CDHR5: variants seen among roughly 807,000 people sequenced by gnomAD.
CDHR5 encodes the protein cadherin related family member 5, also known as cadherin-related family member 5.
In CDHR5, 82 loss-of-function variants were observed where a neutral mutation model predicts 69.5. The ratio of observed to expected loss-of-function variants is 1.18; its 90% CI spans 0.99 to 1.42. CDHR5 has a LOEUF of 1.42. Ranked by LOEUF, CDHR5 falls within the 40% of genes most tolerant of loss-of-function variation. The probability of loss-of-function intolerance (pLI) is 0.00; values close to 1 mark genes in which losing one functional copy is unlikely to be tolerated. For synonymous variants in CDHR5, 601 were observed against 510.2 expected, an observed-to-expected ratio of 1.18 and a Z score of -2.40; for missense variants, 1,293 against 1,168.9, an observed-to-expected ratio of 1.11 and a Z score of -1.55.
rs1857406913 is a variant in CDHR5 at position 621,647 on chromosome 11, G to A, written c.422C>T (p.Ser141Phe). The change falls in exon 5 of 15, where the codon TCC becomes TTC. Residue 141 changes from serine to phenylalanine, a missense_variant. Coordinates refer to ENST00000397542, the MANE Select transcript of CDHR5 (RefSeq NM_021924.5). This position sits in a 1 kb window ranked among gnomAD's most constrained non-coding sequence, Gnocchi z 4.4. ...IRVEEDTKVN[S>F]TVIPETQLQA... ...CAGTTGCGTCTCGGGGATGACGGTG[G>A]AGTTCACTTTCGTGTCCTGGGGAGG... 2 of 1,613,274 alleles carry A rather than the reference G, an allele frequency of 1.2e-6. No homozygotes were observed. The highest frequency in any genetic ancestry group is 1.7e-4 in the Middle Eastern group (1 of 6,060).
rs755930767 is a variant in CDHR5 at position 619,501 on chromosome 11, C to T, written c.1266G>A (p.Leu422=). Residue 422 remains leucine (L), a synonymous_variant, in exon 11 of 15, where the codon CTG becomes CTA. Transcript: ENST00000397542. ...EGEVVLTTTT[L]AQAGAFYAEV... ...CTGCGTAGAAGGCTCCCGCCTGTGCCAGTGTGGTGGTGGTCAGCACAACCT... is the reference window on the plus strand; with the variant it reads ...CTGCGTAGAAGGCTCCCGCCTGTGCTAGTGTGGTGGTGGTCAGCACAACCT... 48 of 1,613,588 alleles carry T rather than the reference C, an allele frequency of 3.0e-5. No individual in the cohort carries two copies. Among genetic ancestry groups the T allele is most frequent in the Non-Finnish European group, 3.7e-5 (44 of 1,179,736 alleles).
In CDHR5 at chr11:616,944, G is replaced by C; in HGVS notation, c.*407C>G. Reference sequence around the variant, plus strand: ...CTCAGCCTCCCCAGGCAATCTCTGTGTAGGGTCGGGAGCGGGAGGTCTGAG... The same window carrying C: ...CTCAGCCTCCCCAGGCAATCTCTGTCTAGGGTCGGGAGCGGGAGGTCTGAG... On this transcript the variant is annotated 3_prime_UTR_variant, in exon 15 of 15. Transcript: ENST00000397542. 1 of 223,604 alleles carries C rather than the reference G, an allele frequency of 4.5e-6. No homozygotes were observed. Among genetic ancestry groups the C allele is most frequent in the Non-Finnish European group, 9.0e-6 (1 of 111,434 alleles). 13.9% of individuals were successfully genotyped at this position (223,604 alleles called of 1,614,324 possible). A position where few individuals can be genotyped will look rare whatever the true frequency, so the allele number is the denominator to read the frequency against.
rs1477543980 is a variant in CDHR5, at chr11:619,892, G to A, written c.979-11C>T. The A allele has an allele frequency of 1.3e-6, 2 of 1,530,168 alleles. No homozygotes were observed. Among genetic ancestry groups the A allele is most frequent in the Middle Eastern group, 1.8e-4 (1 of 5,454 alleles). The allele number at this position is 1,530,168 out of a possible 1,614,324, so 94.8% of individuals were successfully genotyped here. ...GTCGGCCTGTTGGCCCTGGAGGCGGGGGAGGCAGCAGTGACTAGTGGGGTT... is the reference window on the plus strand; with the variant it reads ...GTCGGCCTGTTGGCCCTGGAGGCGGAGGAGGCAGCAGTGACTAGTGGGGTT... On this transcript the variant is annotated splice_polypyrimidine_tract_variant and intron_variant, in intron 9 of 14. Transcript: ENST00000397542.
Position 618,102 on chromosome 11 carries a change from G to A in CDHR5, c.1970C>T (p.Pro657Leu), listed in dbSNP as rs1857091477. The A allele has an allele frequency of 3.1e-6, 5 of 1,608,838 alleles. No homozygotes were observed. Among genetic ancestry groups the A allele is most frequent in the South Asian group, 2.2e-5 (2 of 90,884 alleles). The part of the protein sequence containing the change: ...SKSTPSSGGG[P>L]SEDKRFSVVD... ...CACCGAGAAGCGCTTGTCCTCCGAGGGGCCGCCACCTGGCATCGCAGTGGA... is the reference window on the plus strand; with the variant it reads ...CACCGAGAAGCGCTTGTCCTCCGAGAGGCCGCCACCTGGCATCGCAGTGGA... Residue 657 changes from proline (P) to leucine (L), a missense_variant, in exon 14 of 15, where the codon CCC becomes CTC. Physicochemically the swap from Pro to Leu is moderately conservative, Grantham distance 98. Coordinates refer to ENST00000397542, the MANE Select transcript of CDHR5 (RefSeq NM_021924.5).
Position 621,208 on chromosome 11 carries a change from C to A in CDHR5, c.661G>T (p.Ala221Ser). The change falls in exon 7 of 15, where the codon GCC (alanine) becomes TCC (serine). Residue 221 changes from alanine to serine, a missense_variant. By Grantham distance (99) the Ala-to-Ser change is moderately conservative. Coordinates refer to ENST00000397542, the MANE Select transcript of CDHR5 (RefSeq NM_021924.5). This position sits in a 1 kb window ranked among gnomAD's most constrained non-coding sequence, Gnocchi z 4.4. ...GGCACCACGTTCAGCACTAGTGTGG[C>A]GGTGGCAGTGTGGCTGGGTTCCACA... ...ENVEPSHTAT[A>S]TLVLNVVPAD... The A allele has an allele frequency of 6.2e-7, 1 of 1,600,214 alleles. No individual in the cohort carries two copies. The highest frequency in any genetic ancestry group is 8.5e-7 in the Non-Finnish European group (1 of 1,171,874).
intron 14 of CDHR5, 42 bp downstream of exon 14, chr11:617,912 T>C (rs1857067227): frequency 6.3e-7 from 1 of 1,596,330 alleles, no homozygotes; most frequent in Non-Finnish European, 8.5e-7. Flanking sequence ...GTCCCCCACT[T>C]CCTGCCTGGT....
chr11:618,978 G>A lies in CDHR5; in HGVS notation c.1581C>T (p.Ser527=). The A allele has an allele frequency of 6.2e-7, 1 of 1,613,538 alleles. No homozygotes were observed. The highest frequency in any genetic ancestry group is 2.2e-5 in the East Asian group (1 of 44,860). The change falls in exon 13 of 15, where the codon AGC becomes AGT. Residue 527 remains serine, a synonymous_variant. Transcript: ENST00000397542. ...TPGGPPGAEN[S]TSHQPATPGG... ...CGGGAGTGGCTGGTTGGTGGGAGGT[G>A]CTGTTTTCTGCACCCGGGGGCCCCC...
rs552718254 is a variant in CDHR5 at position 621,261 on chromosome 11, C to T, written c.619-11G>A. ...CTCCCCCGGAGTGTCCTGCAACAGA[C>T]GGCTGTGCTGGATCAGGCCTGGGAG... On this transcript the variant is annotated splice_polypyrimidine_tract_variant and intron_variant, in intron 6 of 14. Transcript: ENST00000397542. The surrounding 1 kb of genome is among the most constrained non-coding windows in gnomAD (Gnocchi z 4.4). 61 of 1,603,472 alleles carry T rather than the reference C, an allele frequency of 3.8e-5. No individual in the cohort carries two copies. The highest frequency in any genetic ancestry group is 1.5e-4 in the Admixed American group (9 of 59,486).
chr11:624,864 G>C lies in CDHR5; in HGVS notation c.39C>G (p.Phe13Leu). The C allele has an allele frequency of 6.3e-7, 1 of 1,583,838 alleles. No individual in the cohort carries two copies. Among genetic ancestry groups the C allele is most frequent in the Non-Finnish European group, 8.6e-7 (1 of 1,167,082 alleles). Reference sequence around the variant, plus strand: ...CCGGGGGTCGGACGAGCAGCCCGGTGAACAGCAGGGGAGGCCACAGCAGGG... The same window carrying C: ...CCGGGGGTCGGACGAGCAGCCCGGTCAACAGCAGGGGAGGCCACAGCAGGG... ...SWALLWPPLL[F>L]TGLLVRPPGT... is the part of the protein sequence containing the mutation. The change falls in exon 1 of 15, where the codon TTC becomes TTG. Residue 13 changes from phenylalanine to leucine, a missense_variant. By Grantham distance (22) the Phe-to-Leu change is conservative. Coordinates refer to ENST00000397542, the MANE Select transcript of CDHR5 (RefSeq NM_021924.5). The surrounding 1 kb of genome is among the most constrained non-coding windows in gnomAD (Gnocchi z 5.3).
rs138306193 is a variant in CDHR5, at chr11:618,008, G to A, written c.2064C>T (p.Val688=). ...GGGGGCCATAGTGCTTGTGGACAAGGACGGCGAGGCCAAGGAGAGCCAGCA... is the reference window on the plus strand; with the variant it reads ...GGGGGCCATAGTGCTTGTGGACAAGAACGGCGAGGCCAAGGAGAGCCAGCA... ...LLLLALLGLA[V]LVHKHYGPRL... Residue 688 remains valine, a synonymous_variant, in exon 14 of 15, where the codon GTC becomes GTT. Coordinates refer to ENST00000397542, the MANE Select transcript of CDHR5 (RefSeq NM_021924.5). 7 of 1,612,324 alleles carry A rather than the reference G, an allele frequency of 4.3e-6. No individual in the cohort carries two copies. In the African/African-American group the frequency reaches 6.7e-5, roughly 15 times the overall value.
chr11:622,770 C>T (rs1375138362), intron 3 of CDHR5, among the ~76,000 whole-genome samples: 1 of 152,060 alleles, frequency 6.6e-6, no homozygotes, highest in Admixed American at 6.5e-5. Flanking sequence ...GCCACGGCGC[C>T]CAGCCAGGAC....
rs940168851 is a variant in CDHR5 at position 621,984 on chromosome 11, C to T, written c.313-80G>A. 14 of 1,134,668 alleles carry T rather than the reference C, an allele frequency of 1.2e-5. No individual in the cohort carries two copies. The highest frequency in any genetic ancestry group is 6.2e-5 in the African/African-American group (4 of 64,986). 70.3% of individuals were successfully genotyped at this position (1,134,668 alleles called of 1,614,324 possible). A position where few individuals can be genotyped will look rare whatever the true frequency, so the allele number is the denominator to read the frequency against. ...CCCCTCGACGGCTATCCGTCCCCAC[C>T]GTGAGTGAGGTGCACCCCTCAACGG... On this transcript the variant is annotated intron_variant, in intron 3 of 14. Transcript: ENST00000397542. This position sits in a 1 kb window ranked among gnomAD's most constrained non-coding sequence, Gnocchi z 4.4.
Position 616,930 on chromosome 11 carries a change from C to CA in CDHR5, c.*420dup, listed in dbSNP as rs1856934588. 4.9e-6 allele frequency: 1 copy of CA among 205,100 alleles called. No homozygotes were observed. Among genetic ancestry groups the CA allele is most frequent in the African/African-American group, 2.3e-5 (1 of 42,616 alleles). The allele number at this position is 205,100 out of a possible 1,614,324, so 12.7% of individuals were successfully genotyped here. On this transcript the variant is annotated 3_prime_UTR_variant, in exon 15 of 15. Coordinates refer to ENST00000397542, the MANE Select transcript of CDHR5 (RefSeq NM_021924.5). ...GTTTGCATCGGCTCCTCAGCCTCCCCAGGCAATCTCTGTGTAGGGTCGGGA... is the reference window on the plus strand; with the variant it reads ...GTTTGCATCGGCTCCTCAGCCTCCCCAAGGCAATCTCTGTGTAGGGTCGGGA...
rs893352269 is a variant in CDHR5 at position 621,015 on chromosome 11, G to C, written c.789+65C>G. 3 of 1,251,770 alleles carry C rather than the reference G, an allele frequency of 2.4e-6. No individual in the cohort carries two copies. The African/African-American group carries it at 4.5e-5, about 19-fold the overall frequency. 77.5% of individuals were successfully genotyped at this position (1,251,770 alleles called of 1,614,324 possible). ...CCCCGCCCTTCCTCTCCTGATCCTGGCCGTCCCTGTGTCCAGCCTGCCTAG... is the reference window on the plus strand; with the variant it reads ...CCCCGCCCTTCCTCTCCTGATCCTGCCCGTCCCTGTGTCCAGCCTGCCTAG... On this transcript the variant is annotated intron_variant, in intron 7 of 14. Coordinates refer to ENST00000397542, the MANE Select transcript of CDHR5 (RefSeq NM_021924.5). The surrounding 1 kb of genome is among the most constrained non-coding windows in gnomAD (Gnocchi z 4.4).
In CDHR5 at chr11:618,681, G is replaced by A; in HGVS notation, c.1878C>T (p.Thr626=). The change falls in exon 13 of 15, where the codon ACC becomes ACT. Residue 626 remains threonine (T), a synonymous_variant. Coordinates refer to ENST00000397542, the MANE Select transcript of CDHR5 (RefSeq NM_021924.5). ...GMGTSTSHQP[T]TPGGGTAQTP... is the part of the protein sequence containing the mutation. ...TCTGTGCTGTGCCCCCACCGGGTGT[G>A]GTTGGTTGGTGGGAGGTGCTGGTTC... 1 of 1,592,014 alleles carries A rather than the reference G, an allele frequency of 6.3e-7. No individual in the cohort carries two copies. The highest frequency in any genetic ancestry group is 8.6e-7 in the Non-Finnish European group (1 of 1,167,560).
intron 7 of CDHR5, 128 bp downstream of exon 7, chr11:620,952 A>G (rs1362778120): frequency 1.6e-4 from 106 of 678,954 alleles, no homozygotes; most frequent in Non-Finnish European, 2.1e-5. Context: ...ATTTGTTTCA[A>G]AATCACGACC....
chr11:622,380 G>A (rs1296125129), intron 3 of CDHR5, among the ~76,000 whole-genome samples: 4 of 151,550 alleles, frequency 2.6e-5, no homozygotes, highest in Non-Finnish European at 5.9e-5. Flanking sequence ...GATGCAGCCA[G>A]CAGAATCTCA....
rs377210037 is a variant in CDHR5 at position 621,498 on chromosome 11, G to A, written c.508-43C>T. 13 of 1,595,428 alleles carry A rather than the reference G, an allele frequency of 8.1e-6. No homozygotes were observed. The highest frequency in any genetic ancestry group is 5.4e-5 in the African/African-American group (4 of 74,598). On this transcript the variant is annotated intron_variant, in intron 5 of 14. Coordinates refer to ENST00000397542, the MANE Select transcript of CDHR5 (RefSeq NM_021924.5). The surrounding 1 kb of genome is among the most constrained non-coding windows in gnomAD (Gnocchi z 4.4). ...GGACAGAGCCTAAGAGCCTTGGAGG[G>A]CGAGGGCGGCTGTGGGTGTCAGAGG...
At position 624,955 on chromosome 11, in the gene CDHR5, T is replaced by G. The variant is rs1857646348; in HGVS notation, c.-53A>C. ...TCTGAGCGGGTCTGGCGTCTAGGAC[T>G]GGCGCAGTTCCTACCTCAGCGACCT... On this transcript the variant is annotated 5_prime_UTR_variant, in exon 1 of 15. Coordinates refer to ENST00000397542, the MANE Select transcript of CDHR5 (RefSeq NM_021924.5). The surrounding 1 kb of genome is among the most constrained non-coding windows in gnomAD (Gnocchi z 5.3). 2.1e-6 allele frequency: 3 copies of G among 1,402,558 alleles called. No homozygotes were observed. The highest frequency in any genetic ancestry group is 2.9e-6 in the Non-Finnish European group (3 of 1,036,170). The allele number at this position is 1,402,558 out of a possible 1,614,324, so 86.9% of individuals were successfully genotyped here. A position where few individuals can be genotyped will look rare whatever the true frequency, so the allele number is the denominator to read the frequency against.
Sources: gnomAD v4.1 joint callset for allele counts (sites outside exome capture counted in the v4.1 genomes callset) on GRCh38, gnomAD v4.1.1 for gene constraint, Gnocchi (gnomAD v3.1) non-coding constraint, MANE v1.5 for transcripts, NCBI Gene and HGNC (gene_info 2026-07-23, HGNC 2026-07-21) for gene names.